CNTN4: variants seen among roughly 807,000 people sequenced by gnomAD.
CNTN4 encodes contactin 4.
CNTN4 carries 77 observed loss-of-function variants against 122.5 expected under a neutral mutation model. The observed-to-expected ratio is 0.63, with a 90% CI of 0.52 to 0.76. The LOEUF is 0.76. Ranked by LOEUF, CNTN4 falls within the 30% of genes least tolerant of loss-of-function variation. The probability of loss-of-function intolerance (pLI) is 0.00; values close to 1 mark genes in which losing one functional copy is unlikely to be tolerated. For missense variants in CNTN4, 1,256 were observed against 1,259.1 expected, an observed-to-expected ratio of 1.00 and a Z score of 0.04; for synonymous variants, 512 against 447.0, an observed-to-expected ratio of 1.15 and a Z score of -1.83.
intron 3 of CNTN4, among the ~76,000 whole-genome samples, chr3:2,347,243 T>C (rs758670733): frequency 1.3e-5 from 2 of 152,098 alleles, no homozygotes; most frequent in Non-Finnish European, 2.9e-5. Flanking sequence ...GAGCTCTGTC[T>C]TGGTGGAGGC....
intron 4 of CNTN4, among the ~76,000 whole-genome samples, chr3:2,588,954 A>C (rs373886524): frequency 6.6e-6 from 1 of 152,132 alleles, no homozygotes; most frequent in East Asian, 1.9e-4. Context: ...TACTAGGTAA[A>C]AGTTGATGTA....
intron 4 of CNTN4, among the ~76,000 whole-genome samples, chr3:2,674,015 G>A (rs1368012294): frequency 6.6e-6 from 1 of 152,154 alleles, no homozygotes; most frequent in Non-Finnish European, 1.5e-5. Flanking sequence ...ATTTCAGTGA[G>A]GCCATCTCAG....
At chr3:2,675,823 C>T (rs913487329) in intron 4 of CNTN4, among the ~76,000 whole-genome samples, 1 of 152,198 alleles carries the variant, frequency 6.6e-6, no homozygotes, top group Non-Finnish European at 1.5e-5. Flanking sequence ...TTGTGCTGGA[C>T]ACTGCTAAGC....
chr3:2,563,440 G>A (rs1382904583), intron 3 of CNTN4, among the ~76,000 whole-genome samples: 3 of 152,034 alleles, frequency 2.0e-5, no homozygotes, highest in Non-Finnish European at 4.4e-5. Flanking sequence ...AAATAATACA[G>A]AAACTACTAT....
intron 4 of CNTN4, among the ~76,000 whole-genome samples, chr3:2,586,837 A>G (rs1214158736): frequency 6.6e-6 from 1 of 151,968 alleles, no homozygotes. Context: ...CCAACACCCA[A>G]CATTTTATCT....
At chr3:2,564,739 G>C (rs9817709) in intron 3 of CNTN4, among the ~76,000 whole-genome samples, 1 of 151,906 alleles carries the variant, frequency 6.6e-6, no homozygotes, top group East Asian at 1.9e-4. Flanking sequence ...GGGTCTTCTC[G>C]GTAGCAAAAT....
At chr3:3,033,933 G>T (rs1699387654) in intron 16 of CNTN4, among the ~76,000 whole-genome samples, 1 of 152,324 alleles carries the variant, frequency 6.6e-6, no homozygotes, top group Middle Eastern at 3.4e-3. Flanking sequence ...GGTATGAGTT[G>T]CAGAAACTAC....
intron 3 of CNTN4, among the ~76,000 whole-genome samples, chr3:2,540,328 C>G (rs905891023): frequency 6.6e-6 from 1 of 151,870 alleles, no homozygotes; most frequent in African/African-American, 2.4e-5. Flanking sequence ...TTGGCACCAC[C>G]CAGCTGAGTC....
chr3:2,911,818 C>G (rs758757057), intron 12 of CNTN4, among the ~76,000 whole-genome samples: 1 of 152,036 alleles, frequency 6.6e-6, no homozygotes, highest in African/African-American at 2.4e-5. Context: ...TAGAGAGATT[C>G]AACAACAGGC....
intron 2 of CNTN4, among the ~76,000 whole-genome samples, chr3:2,313,161 ATAGAT>A (rs2042973131): frequency 6.6e-6 from 1 of 152,132 alleles, no homozygotes; most frequent in African/African-American, 2.4e-5. Context: ...ACAACAGAAA[ATAGAT>A]TAGATAGATC....
intron 2 of CNTN4, among the ~76,000 whole-genome samples, chr3:2,251,650 A>G (rs937233225): frequency 6.6e-6 from 1 of 151,892 alleles, no homozygotes; most frequent in Non-Finnish European, 1.5e-5. Flanking sequence ...CCCTTATTAT[A>G]ACATATTATG....
At chr3:2,756,841 A>G (rs2090359879) in intron 6 of CNTN4, among the ~76,000 whole-genome samples, 1 of 152,240 alleles carries the variant, frequency 6.6e-6, no homozygotes, top group Non-Finnish European at 1.5e-5. Context: ...GAAGGTGCCC[A>G]GCACTGCTGA....
chr3:2,885,912 A>T (rs2093970286), intron 9 of CNTN4, among the ~76,000 whole-genome samples: 1 of 152,154 alleles, frequency 6.6e-6, no homozygotes, highest in African/African-American at 2.4e-5. Context: ...AGCCTTACGT[A>T]CGGCTTCTCC....
chr3:3,014,073 C>T (rs554023039), intron 14 of CNTN4, among the ~76,000 whole-genome samples: 2 of 151,998 alleles, frequency 1.3e-5, no homozygotes, highest in South Asian at 4.2e-4. Flanking sequence ...CACACACACA[C>T]ACACACACAC....
chr3:2,562,361 T>A (rs1014877849), intron 3 of CNTN4, among the ~76,000 whole-genome samples: 6 of 152,110 alleles, frequency 3.9e-5, no homozygotes, highest in Non-Finnish European at 7.4e-5. Flanking sequence ...ATAAGCAGTT[T>A]TCAGCCCTTC....
At chr3:2,619,057 T>A (rs567209792) in intron 4 of CNTN4, among the ~76,000 whole-genome samples, 1 of 152,218 alleles carries the variant, frequency 6.6e-6, no homozygotes, top group Non-Finnish European at 1.5e-5. Context: ...GTAGCACTTA[T>A]ATTGCCTGAG....
At position 2,244,219 on chromosome 3, in the gene CNTN4, A is replaced by AT. The variant is rs1404303829; in HGVS notation, c.-144-94959_-144-94958insT. Among the ~76,000 whole-genome samples, 8 of 149,252 alleles carry AT rather than the reference A, an allele frequency of 5.4e-5. 1 individual carries two copies. Among genetic ancestry groups the AT allele is most frequent in the Admixed American group, 4.0e-4 (6 of 14,954 alleles). On this transcript the variant is annotated intron_variant, in intron 2 of 24. Coordinates refer to ENST00000418658, the MANE Select transcript of CNTN4 (RefSeq NM_175607.3). ...TATAACATCATACTGTAATAAAAAA[A>AT]ATCTATGTAAATGTGGTTTCTCTCT...
At chr3:2,720,817 C>G (rs1477027182) in intron 4 of CNTN4, among the ~76,000 whole-genome samples, 1 of 152,174 alleles carries the variant, frequency 6.6e-6, no homozygotes, top group South Asian at 2.1e-4. Flanking sequence ...GGATTTAACA[C>G]TTACATCCTA....
At chr3:2,993,923 C>T (rs942704845) in intron 14 of CNTN4, among the ~76,000 whole-genome samples, 2 of 152,134 alleles carry the variant, frequency 1.3e-5, no homozygotes, top group Admixed American at 6.5e-5. Flanking sequence ...GACTTTAGAA[C>T]TTGGATACGA....
Sources: gnomAD v4.1 joint callset for allele counts (sites outside exome capture counted in the v4.1 genomes callset) on GRCh38, gnomAD v4.1.1 for gene constraint, MANE v1.5 for transcripts, NCBI Gene and HGNC (gene_info 2026-07-23, HGNC 2026-07-21) for gene names.